The following PKHD1 variants were observed in gnomAD, a reference collection of about 807,000 sequenced individuals.
PKHD1 encodes the protein PKHD1 ciliary IPT domain containing fibrocystin/polyductin, also known as fibrocystin.
PKHD1 carries 291 observed loss-of-function variants against 412.0 expected under a neutral mutation model. The ratio of observed to expected loss-of-function variants is 0.71; its 90% CI spans 0.64 to 0.78. PKHD1 has a LOEUF of 0.78. Ranked by LOEUF, PKHD1 falls within the 30% of genes least tolerant of loss-of-function variation. PKHD1 has a pLI of 0.00. For synonymous variants in PKHD1, 1,777 were observed against 1,821.5 expected (o/e 0.98, Z 0.62); for missense variants, 4,825 against 4,950.7 (o/e 0.97, Z 0.76).
chr6:51,924,894 T>G (rs1785277422), intron 37 of PKHD1, among the ~76,000 whole-genome samples: 1 of 152,250 alleles, frequency 6.6e-6, no homozygotes, highest in African/African-American at 2.4e-5. Context: ...ATTGAGTACT[T>G]GCTCAACATC....
At chr6:51,663,915 A>G (rs1244224130) in intron 60 of PKHD1, among the ~76,000 whole-genome samples, 1 of 152,136 alleles carries the variant, frequency 6.6e-6, no homozygotes, top group Non-Finnish European at 1.5e-5. Flanking sequence ...TGATTTGTCC[A>G]CAACAGGTTC....
intron 43 of PKHD1, among the ~76,000 whole-genome samples, chr6:51,896,537 A>G (rs1048127333): frequency 2.0e-5 from 3 of 151,432 alleles, no homozygotes; most frequent in Non-Finnish European, 3.0e-5. Flanking sequence ...CAAAGACCAA[A>G]AGTAGATAAA....
chr6:51,689,239 C>T (rs1005192805), intron 60 of PKHD1, among the ~76,000 whole-genome samples: 3 of 152,122 alleles, frequency 2.0e-5, no homozygotes, highest in Non-Finnish European at 4.4e-5. Context: ...GAACTGAAGA[C>T]AAAAACCACA....
At chr6:52,013,860 G>A (rs1055714435) in intron 34 of PKHD1, among the ~76,000 whole-genome samples, 4 of 152,144 alleles carry the variant, frequency 2.6e-5, no homozygotes, top group African/African-American at 9.7e-5. Flanking sequence ...ACAATTTGCA[G>A]GCATTTTCTC....
At chr6:51,787,941 T>G (rs960276273) in intron 53 of PKHD1, among the ~76,000 whole-genome samples, 3 of 152,176 alleles carry the variant, frequency 2.0e-5, no homozygotes, top group African/African-American at 7.2e-5. Context: ...GTATTTAATA[T>G]CTCTCAATTA....
intron 37 of PKHD1, among the ~76,000 whole-genome samples, chr6:51,919,094 T>C (rs1784286256): frequency 6.6e-6 from 1 of 152,214 alleles, no homozygotes; most frequent in Non-Finnish European, 1.5e-5. Context: ...TTCACTCTCA[T>C]GATAGTTTCT....
intron 53 of PKHD1, among the ~76,000 whole-genome samples, chr6:51,789,347 A>G (rs1793378858): frequency 6.6e-6 from 1 of 152,196 alleles, no homozygotes; most frequent in Non-Finnish European, 1.5e-5. Flanking sequence ...GTGAGTTACA[A>G]GGACAAAAAT....
At chr6:51,847,298 C>T (rs947493362) in intron 50 of PKHD1, among the ~76,000 whole-genome samples, 3 of 140,746 alleles carry the variant, frequency 2.1e-5, no homozygotes, top group Admixed American at 7.3e-5. Context: ...GATGGGGTCT[C>T]ACTTTGCTGC....
intron 13 of PKHD1, among the ~76,000 whole-genome samples, chr6:52,063,383 C>A (rs1808974651): frequency 1.3e-5 from 2 of 151,804 alleles, no homozygotes; most frequent in Admixed American, 1.3e-4. Flanking sequence ...AAAATGGGAC[C>A]AATAATAAAA....
At chr6:51,622,138 G>T (rs1380031358) in intron 66 of PKHD1, among the ~76,000 whole-genome samples, 1 of 152,152 alleles carries the variant, frequency 6.6e-6, no homozygotes, top group South Asian at 2.1e-4. Context: ...CTGGTTCTGG[G>T]TTCTTTCGGG....
At chr6:51,741,005 A>T (rs1045907559) in intron 60 of PKHD1, 2 of 489,526 alleles carry the variant, frequency 4.1e-6, no homozygotes, top group Non-Finnish European at 8.1e-6. Context: ...ACTCACACAC[A>T]TACATGCTTG....
intron 35 of PKHD1, among the ~76,000 whole-genome samples, chr6:51,984,635 G>T (rs554775879): frequency 6.6e-6 from 1 of 152,310 alleles, no homozygotes; most frequent in Admixed American, 6.5e-5. Context: ...ATGAAATTCA[G>T]AACTGCTCCC....
At chr6:51,732,612 T>C (rs910417611) in intron 60 of PKHD1, among the ~76,000 whole-genome samples, 1 of 152,172 alleles carries the variant, frequency 6.6e-6, no homozygotes, top group African/African-American at 2.4e-5. Flanking sequence ...TCACACCCAT[T>C]AAAATGGTTA....
intron 60 of PKHD1, among the ~76,000 whole-genome samples, chr6:51,700,935 T>C (rs1336361095): frequency 6.6e-6 from 1 of 152,132 alleles, no homozygotes; most frequent in Non-Finnish European, 1.5e-5. Flanking sequence ...TAACTGATGG[T>C]TCTAAACCCC....
intron 22 of PKHD1, among the ~76,000 whole-genome samples, chr6:52,049,370 C>G (rs1806389361): frequency 6.6e-6 from 1 of 152,128 alleles, no homozygotes; most frequent in Non-Finnish European, 1.5e-5. Flanking sequence ...ATAGGACCAC[C>G]ATCATATATT....
chr6:51,918,662 C>T (rs191939630), intron 37 of PKHD1, among the ~76,000 whole-genome samples: 21 of 152,258 alleles, frequency 1.4e-4, no homozygotes, highest in African/African-American at 4.6e-4. Flanking sequence ...CATACGTGTG[C>T]ATGTGTCTTT....
intron 10 of PKHD1, among the ~76,000 whole-genome samples, chr6:52,069,944 C>G (rs780803837): frequency 2.0e-5 from 3 of 152,146 alleles, no homozygotes; most frequent in African/African-American, 4.8e-5. Flanking sequence ...ACGCTTTTAA[C>G]AGAAACACCT....
chr6:51,708,290 A>G (rs1250021917), intron 60 of PKHD1, among the ~76,000 whole-genome samples: 1 of 152,094 alleles, frequency 6.6e-6, no homozygotes, highest in African/African-American at 2.4e-5. Flanking sequence ...TCACTTCACA[A>G]ATCTCACTGG....
chr6:51,966,307 T>G (rs1470893667), intron 35 of PKHD1, among the ~76,000 whole-genome samples: 1 of 152,162 alleles, frequency 6.6e-6, no homozygotes, highest in African/African-American at 2.4e-5. Context: ...GGAGGGGGAC[T>G]TCCAGGTCAC....
Sources: allele counts gnomAD v4.1 joint callset (sites outside exome capture counted in the v4.1 genomes callset), GRCh38; gene constraint gnomAD v4.1.1; transcripts MANE v1.5; gene names NCBI Gene and HGNC (gene_info 2026-07-23, HGNC 2026-07-21).